Variants in MOB3B observed in about 807,000 individuals in gnomAD.
MOB3B encodes MOB kinase activator-like 2B.
In MOB3B, 7 loss-of-function variants were observed where a neutral mutation model predicts 18.7. The observed-to-expected ratio is 0.37, with a 90% confidence interval of 0.21 to 0.70. The LOEUF (loss-of-function observed/expected upper bound fraction) is 0.70, where lower values mean the gene tolerates loss of function less well. Ranked by LOEUF, MOB3B falls within the 30% of genes least tolerant of loss-of-function variation. The pLI is 0.52. For missense variants in MOB3B, 253 were observed against 281.3 expected (o/e 0.90, Z 0.72); for synonymous variants, 111 against 99.9 (o/e 1.11, Z -0.66).
chr9:27,363,355 G>A (rs1340660110), intron 2 of MOB3B, among the ~76,000 whole-genome samples: 1 of 151,948 alleles, frequency 6.6e-6, no homozygotes, highest in African/African-American at 2.4e-5. Flanking sequence ...TGCAAGCTCC[G>A]CCTCCCAGGT....
At chr9:27,352,101 C>T (rs1821113191) in intron 3 of MOB3B, among the ~76,000 whole-genome samples, 1 of 152,126 alleles carries the variant, frequency 6.6e-6, no homozygotes, top group African/African-American at 2.4e-5. Flanking sequence ...ATAATAGTAA[C>T]AAGTCTGGCC....
At chr9:27,347,903 A>AT (rs1336077792) in intron 3 of MOB3B, among the ~76,000 whole-genome samples, 1 of 152,210 alleles carries the variant, frequency 6.6e-6, no homozygotes, top group African/African-American at 2.4e-5. Flanking sequence ...TACACCATCT[A>AT]TTTTTATGTA....
intron 2 of MOB3B, among the ~76,000 whole-genome samples, chr9:27,423,349 G>T (rs1822283736): frequency 6.7e-6 from 1 of 150,320 alleles, no homozygotes; most frequent in Non-Finnish European, 1.5e-5. Context: ...TACCTGTTCT[G>T]TGAATATCTT....
At chr9:27,434,651 T>C (rs1452497727) in intron 2 of MOB3B, among the ~76,000 whole-genome samples, 1 of 152,074 alleles carries the variant, frequency 6.6e-6, no homozygotes, top group Non-Finnish European at 1.5e-5. Context: ...TCCAAGATTC[T>C]CAATCTCAGT....
chr9:27,384,714 G>A (rs1432915325), intron 2 of MOB3B, among the ~76,000 whole-genome samples: 1 of 152,184 alleles, frequency 6.6e-6, no homozygotes, highest in Non-Finnish European at 1.5e-5. Flanking sequence ...CCCTGGCATG[G>A]CTGGGTGTCA....
At position 27,494,772 on chromosome 9, in the gene MOB3B, C is replaced by T. The variant is rs186665179; in HGVS notation, c.-199+34783G>A. Among the ~76,000 whole-genome samples the T allele has an allele frequency of 2.0e-5, 3 of 152,192 alleles. No individual in the cohort carries two copies. The East Asian group carries it at 5.8e-4, about 30-fold the overall frequency. On this transcript the variant is annotated intron_variant, in intron 1 of 3. Transcript: ENST00000262244. ...TTGTGATCTACCCACCTTGGCCTCCCTAAGTGCTGGGATTACAGGCGTGAG... is the reference window on the plus strand; with the variant it reads ...TTGTGATCTACCCACCTTGGCCTCCTTAAGTGCTGGGATTACAGGCGTGAG...
intron 2 of MOB3B, among the ~76,000 whole-genome samples, chr9:27,389,975 A>G (rs1376952266): frequency 6.6e-6 from 1 of 152,168 alleles, no homozygotes; most frequent in African/African-American, 2.4e-5. Flanking sequence ...AAATAAAATA[A>G]AAGTTGTTAC....
intron 2 of MOB3B, among the ~76,000 whole-genome samples, chr9:27,437,623 A>G (rs1822530941): frequency 6.6e-6 from 1 of 152,250 alleles, no homozygotes; most frequent in African/African-American, 2.4e-5. Flanking sequence ...CAACTGCTAC[A>G]AAGTGTGCAA....
chr9:27,468,656 C>T (rs545080234), intron 1 of MOB3B, among the ~76,000 whole-genome samples: 15 of 152,324 alleles, frequency 9.8e-5, no homozygotes, highest in Admixed American at 3.9e-4. Flanking sequence ...CTAGACTTCA[C>T]TGCATCCCTG....
At chr9:27,469,771 A>C (rs1256277946) in intron 1 of MOB3B, among the ~76,000 whole-genome samples, 1 of 152,124 alleles carries the variant, frequency 6.6e-6, no homozygotes, top group African/African-American at 2.4e-5. Flanking sequence ...CTGACACTTA[A>C]TGGCCCTTCA....
chr9:27,483,276 G>A (rs1189073636), intron 1 of MOB3B, among the ~76,000 whole-genome samples: 3 of 151,872 alleles, frequency 2.0e-5, no homozygotes, highest in Admixed American at 1.3e-4. Context: ...GGGACTACAG[G>A]CGCCCGCTGC....
chr9:27,389,810 A>C (rs146356851), intron 2 of MOB3B, among the ~76,000 whole-genome samples: 1 of 152,232 alleles, frequency 6.6e-6, no homozygotes, highest in Non-Finnish European at 1.5e-5. Context: ...GAAAGAGAAA[A>C]TATGTGGCAT....
chr9:27,399,571 C>A (rs548998933), intron 2 of MOB3B, among the ~76,000 whole-genome samples: 1 of 152,166 alleles, frequency 6.6e-6, no homozygotes, highest in Non-Finnish European at 1.5e-5. Flanking sequence ...TTCAGACACC[C>A]AGGTGGACCT....
At chr9:27,480,661 G>C (rs376836225) in intron 1 of MOB3B, among the ~76,000 whole-genome samples, 3 of 152,004 alleles carry the variant, frequency 2.0e-5, no homozygotes, top group Non-Finnish European at 4.4e-5. Context: ...GGATGGTCTT[G>C]ATCTCTTGAT....
At chr9:27,357,994 A>G (rs572572868) in intron 3 of MOB3B, among the ~76,000 whole-genome samples, 1 of 150,414 alleles carries the variant, frequency 6.6e-6, no homozygotes, top group African/African-American at 2.4e-5. Flanking sequence ...TAGGAGTTGA[A>G]GGTGAGCTAT....
Position 27,441,756 on chromosome 9 carries a change from G to A in MOB3B, c.418+13377C>T, listed in dbSNP as rs544839701. Among the ~76,000 whole-genome samples, 121 of 152,286 alleles carry A rather than the reference G, an allele frequency of 7.9e-4. 1 individual carries two copies. The highest frequency in any genetic ancestry group is 6.8e-3 in the Middle Eastern group (2 of 294). On this transcript the variant is annotated intron_variant, in intron 2 of 3. Coordinates refer to ENST00000262244, the MANE Select transcript of MOB3B (RefSeq NM_024761.5). ...GGGGGACTACTATATTGTGAAATTC[G>A]TAATGCAATTGTCGCTTGTCTTGTT...
At chr9:27,498,428 A>AG (rs1819934470) in intron 1 of MOB3B, among the ~76,000 whole-genome samples, 1 of 152,016 alleles carries the variant, frequency 6.6e-6, no homozygotes, top group East Asian at 1.9e-4. Flanking sequence ...TGTGTTAGGG[A>AG]GGGGTGGGCT....
chr9:27,349,608 T>C (rs1284137680), intron 3 of MOB3B, among the ~76,000 whole-genome samples: 3 of 152,136 alleles, frequency 2.0e-5, no homozygotes, highest in South Asian at 2.1e-4. Flanking sequence ...GTGACTGACA[T>C]CCTGCAGCAA....
At chr9:27,450,000 A>C (rs547669646) in intron 2 of MOB3B, among the ~76,000 whole-genome samples, 24 of 152,074 alleles carry the variant, frequency 1.6e-4, no homozygotes, top group Middle Eastern at 3.4e-3. Context: ...AAAAAAAAAA[A>C]AAACTTAAAA....
Sources: gnomAD v4.1 joint callset for allele counts (sites outside exome capture counted in the v4.1 genomes callset) on GRCh38, gnomAD v4.1.1 for gene constraint, MANE v1.5 for transcripts, NCBI Gene and HGNC (gene_info 2026-07-23, HGNC 2026-07-21) for gene names.